NSMAF: variants seen among roughly 807,000 people sequenced by gnomAD.
NSMAF encodes neutral sphingomyelinase activation associated factor.
NSMAF carries 90 observed loss-of-function variants against 134.9 expected under a neutral mutation model. The ratio of observed to expected loss-of-function variants is 0.67; its 90% CI spans 0.56 to 0.79. The LOEUF (loss-of-function observed/expected upper bound fraction) is 0.79, where lower values mean the gene tolerates loss of function less well. Among genes scored for constraint, NSMAF ranks in the 30% least tolerant of loss-of-function variants. The pLI is 0.00. For missense variants in NSMAF, 1,010 were observed against 1,119.0 expected (o/e 0.90, Z 1.39); for synonymous variants, 358 against 389.6 (o/e 0.92, Z 0.96).
At chr8:58,589,409 A>G (rs1390736807) in intron 26 of NSMAF, 43 bp downstream of exon 26, 2 of 1,406,416 alleles carry the variant, frequency 1.4e-6, no homozygotes. Flanking sequence ...CATATGCCAT[A>G]TAGCACACCA....
At chr8:58,659,100 G>T in intron 1 of NSMAF, 1 of 833,826 alleles carries the variant, frequency 1.2e-6, no homozygotes. Context: ...GCTCGGTGCC[G>T]CCCGGCGACC....
chr8:58,594,491 GA>G (rs1188208611), intron 22 of NSMAF: 3 of 570,382 alleles, frequency 5.3e-6, no homozygotes, highest in Non-Finnish European at 9.3e-6. Context: ...CCTGTGGCTA[GA>G]AAACATCCCC....
intron 27 of NSMAF, 46 bp downstream of exon 27, chr8:58,587,572 A>G (rs1563522023): frequency 6.5e-7 from 1 of 1,548,742 alleles, no homozygotes; most frequent in Admixed American, 1.7e-5. Flanking sequence ...CCGAACCCCT[A>G]GACTTTTAAG....
chr8:58,597,692 A>T, intron 20 of NSMAF, 142 bp from the exon 21 acceptor site: 1 of 936,970 alleles, frequency 1.1e-6, no homozygotes, highest in South Asian at 1.6e-5. Context: ...TCTAAACCTC[A>T]TTATAGACCT....
intron 1 of NSMAF, among the ~76,000 whole-genome samples, chr8:58,652,939 T>G (rs887891929): frequency 2.6e-5 from 4 of 152,186 alleles, no homozygotes; most frequent in African/African-American, 9.6e-5. Flanking sequence ...GGATATGACA[T>G]GTAAGAAGGA....
At chr8:58,636,102 T>A (rs1563540866) in intron 2 of NSMAF, among the ~76,000 whole-genome samples, 2 of 152,228 alleles carry the variant, frequency 1.3e-5, no homozygotes, top group Non-Finnish European at 2.9e-5. Context: ...TGCATTTACT[T>A]TTCTAATACC....
intron 19 of NSMAF, among the ~76,000 whole-genome samples, chr8:58,598,635 T>G (rs1308822738): frequency 2.0e-5 from 3 of 152,128 alleles, no homozygotes; most frequent in African/African-American, 7.2e-5. Flanking sequence ...GAGTATATGC[T>G]AAAATTAGAA....
At position 58,659,563 on chromosome 8, in the gene NSMAF, G is replaced by A; in HGVS notation, c.59+10C>T. On this transcript the variant is annotated intron_variant, in intron 1 of 30. Coordinates refer to ENST00000038176, the MANE Select transcript of NSMAF (RefSeq NM_003580.4). ...CCCCCGGCTGGGCCCTTCTTCAGCT[G>A]GGCGCGCACCTCTCCTTGGAGTAGA... 1.3e-6 allele frequency: 2 copies of A among 1,526,964 alleles called. No homozygotes were observed. Among genetic ancestry groups the A allele is most frequent in the Non-Finnish European group, 8.8e-7 (1 of 1,138,120 alleles). 94.6% of individuals were successfully genotyped at this position (1,526,964 alleles called of 1,614,324 possible). A position where few individuals can be genotyped will look rare whatever the true frequency, so the allele number is the denominator to read the frequency against.
chr8:58,639,510 A>G (rs1356970781), intron 2 of NSMAF, among the ~76,000 whole-genome samples: 1 of 152,188 alleles, frequency 6.6e-6, no homozygotes, highest in African/African-American at 2.4e-5. Context: ...TGGTGGGAAT[A>G]TGAATTGGTT....
intron 24 of NSMAF, 27 bp downstream of exon 24, chr8:58,590,840 A>G (rs1806005214): frequency 7.8e-6 from 12 of 1,540,450 alleles, no homozygotes; most frequent in Non-Finnish European, 1.1e-5. Flanking sequence ...ACGGATTTCT[A>G]TCATAATACT....
At chr8:58,599,690 T>C in intron 18 of NSMAF, 60 bp downstream of exon 18, 1 of 1,553,820 alleles carries the variant, frequency 6.4e-7, no homozygotes, top group Non-Finnish European at 8.7e-7. Flanking sequence ...AAATAATTAC[T>C]GAAATTGCAC....
intron 1 of NSMAF, among the ~76,000 whole-genome samples, chr8:58,644,761 T>C (rs1199859685): frequency 6.6e-6 from 1 of 152,178 alleles, no homozygotes; most frequent in African/African-American, 2.4e-5. Context: ...GTGGCACATA[T>C]ACACCATGGA....
intron 6 of NSMAF, among the ~76,000 whole-genome samples, chr8:58,625,341 T>C (rs1806901028): frequency 6.6e-6 from 1 of 151,994 alleles, no homozygotes; most frequent in African/African-American, 2.4e-5. Flanking sequence ...TATATACATA[T>C]ATACAGCAAT....
In NSMAF at chr8:58,584,009, A is replaced by T; in HGVS notation, c.*97T>A. 2 of 956,462 alleles carry T rather than the reference A, an allele frequency of 2.1e-6. No homozygotes were observed. The highest frequency in any genetic ancestry group is 1.6e-5 in the African/African-American group (1 of 61,124). The allele number at this position is 956,462 out of a possible 1,614,324, so 59.2% of individuals were successfully genotyped here. A position where few individuals can be genotyped will look rare whatever the true frequency, so the allele number is the denominator to read the frequency against. ...AAATTTTCCATGTGGTAAAACTTCT[A>T]ATTACTAACATTGCACATTCACCAG... On this transcript the variant is annotated 3_prime_UTR_variant, in exon 31 of 31. Transcript: ENST00000038176.
At chr8:58,594,511 C>T (rs1806091666) in intron 22 of NSMAF, 1 of 559,502 alleles carries the variant, frequency 1.8e-6, no homozygotes, top group Admixed American at 3.2e-5. Flanking sequence ...CCACTCTTTG[C>T]TTCCCTGTGT....
At chr8:58,622,274 C>CTCTG (rs754833990) in intron 9 of NSMAF, among the ~76,000 whole-genome samples, 1 of 152,106 alleles carries the variant, frequency 6.6e-6, no homozygotes, top group Non-Finnish European at 1.5e-5. Context: ...TGGGGTCTCA[C>CTCTG]TCTGTCTGGA....
At chr8:58,606,459 A>G (rs1472853488) in intron 11 of NSMAF, among the ~76,000 whole-genome samples, 1 of 152,198 alleles carries the variant, frequency 6.6e-6, no homozygotes, top group Admixed American at 6.5e-5. Context: ...TCTGTTGCCC[A>G]GGCTAGAGTG....
chr8:58,647,696 T>C (rs1458190066), intron 1 of NSMAF, among the ~76,000 whole-genome samples: 1 of 152,184 alleles, frequency 6.6e-6, no homozygotes, highest in Non-Finnish European at 1.5e-5. Flanking sequence ...TCCCACTCAC[T>C]TTCTGCCATA....
chr8:58,631,662 T>G, intron 5 of NSMAF, 116 bp from the exon 6 acceptor site: 1 of 550,280 alleles, frequency 1.8e-6, no homozygotes, highest in Non-Finnish European at 3.1e-6. Flanking sequence ...ATATAATCTC[T>G]ATTTCCAGAA....
Sources: gnomAD v4.1 joint callset for allele counts (sites outside exome capture counted in the v4.1 genomes callset) on GRCh38, gnomAD v4.1.1 for gene constraint, MANE v1.5 for transcripts, NCBI Gene and HGNC (gene_info 2026-07-23, HGNC 2026-07-21) for gene names.